The following LARGE1 variants were observed in gnomAD, a reference collection of about 807,000 sequenced individuals.
LARGE1 encodes xylosyl- and glucuronyltransferase LARGE1.
In LARGE1, 43 loss-of-function variants were observed where a neutral mutation model predicts 87.6. That is an observed-to-expected ratio of 0.49 (90% CI 0.38 to 0.63). The LOEUF (loss-of-function observed/expected upper bound fraction) is 0.63. Among genes scored for constraint, LARGE1 ranks in the 30% least tolerant of loss-of-function variants. The pLI is 0.00. For synonymous variants in LARGE1, 434 were observed against 394.6 expected (o/e 1.10, Z -1.18); for missense variants, 802 against 1,000.2 (o/e 0.80, Z 2.67).
At chr22:33,919,790 C>G (rs1239818218) in intron 1 of LARGE1, among the ~76,000 whole-genome samples, 7 of 152,226 alleles carry the variant, frequency 4.6e-5, no homozygotes, top group Admixed American at 2.0e-4. Context: ...GCCGAGCAGG[C>G]CCTGAGGGGG....
chr22:33,753,462 T>G (rs939463206), intron 2 of LARGE1, among the ~76,000 whole-genome samples: 1 of 152,098 alleles, frequency 6.6e-6, no homozygotes, highest in African/African-American at 2.4e-5. Context: ...GAACCAGCCT[T>G]GCCAACACCT....
intron 11 of LARGE1, among the ~76,000 whole-genome samples, chr22:33,247,387 C>T (rs1021312545): frequency 3.3e-5 from 5 of 151,954 alleles, no homozygotes; most frequent in African/African-American, 1.2e-4. Flanking sequence ...AAGACCAAGC[C>T]GTGAATAAAT....
chr22:33,534,011 G>A (rs910963947), intron 6 of LARGE1, among the ~76,000 whole-genome samples: 9 of 150,346 alleles, frequency 6.0e-5, no homozygotes, highest in African/African-American at 2.2e-4. Flanking sequence ...TTCCTCCAAT[G>A]TTTACTGACT....
chr22:33,632,979 C>T (rs2080155963), intron 3 of LARGE1, among the ~76,000 whole-genome samples: 1 of 152,136 alleles, frequency 6.6e-6, no homozygotes, highest in Admixed American at 6.5e-5. Context: ...GCAGGCTGTA[C>T]TTGATGATAC....
intron 1 of LARGE1, among the ~76,000 whole-genome samples, chr22:33,853,178 G>C (rs567828514): frequency 6.6e-6 from 1 of 151,964 alleles, no homozygotes; most frequent in Non-Finnish European, 1.5e-5. Context: ...GAACTTGTCC[G>C]AGACCACACA....
intron 11 of LARGE1, among the ~76,000 whole-genome samples, chr22:33,306,739 T>C (rs1338897991): frequency 1.3e-5 from 2 of 151,728 alleles, no homozygotes; most frequent in African/African-American, 4.8e-5. Flanking sequence ...CCAGGCGTGG[T>C]AGTGAACGCC....
the LARGE1 span, among the ~76,000 whole-genome samples, chr22:33,106,900 T>C: frequency 1.3e-5 from 2 of 152,216 alleles, no homozygotes; most frequent in Non-Finnish European, 2.9e-5. Flanking sequence ...CAGTAAGAAA[T>C]GATTAGAGAG....
intron 11 of LARGE1, among the ~76,000 whole-genome samples, chr22:33,201,543 A>C (rs985298725): frequency 6.6e-6 from 1 of 152,196 alleles, no homozygotes; most frequent in South Asian, 2.1e-4. Flanking sequence ...AATTATTTTC[A>C]CTGAGAAAAG....
Position 33,644,202 on chromosome 22 carries a change from G to A in LARGE1, c.408+6165C>T, listed in dbSNP as rs181647991. Among the ~76,000 whole-genome samples, 1,502 of 152,260 alleles carry A rather than the reference G, an allele frequency of 9.9e-3. 27 individuals carry two copies. Among genetic ancestry groups the A allele is most frequent in the African/African-American group, 0.034 (1,422 of 41,548 alleles). On this transcript the variant is annotated intron_variant, in intron 3 of 14. Transcript: ENST00000397394. Reference sequence around the variant, plus strand: ...ACCGAATCCAGCAGCACATTAAAAAGCTTATCCACCACTATCAAGTTGGAT... The same window carrying A: ...ACCGAATCCAGCAGCACATTAAAAAACTTATCCACCACTATCAAGTTGGAT...
intron 2 of LARGE1, among the ~76,000 whole-genome samples, chr22:33,723,190 CAAG>C (rs1569405288): frequency 6.6e-6 from 1 of 152,172 alleles, no homozygotes; most frequent in Non-Finnish European, 1.5e-5. Flanking sequence ...GAGACAATTA[CAAG>C]AAAGAGAAGT....
chr22:33,811,041 G>A (rs535911228), intron 1 of LARGE1, among the ~76,000 whole-genome samples: 2 of 152,134 alleles, frequency 1.3e-5, no homozygotes, highest in East Asian at 1.9e-4. Context: ...ACCTGCCCCC[G>A]ACTCATATAA....
chr22:33,757,592 T>A (rs981868950), intron 2 of LARGE1, among the ~76,000 whole-genome samples: 1 of 152,114 alleles, frequency 6.6e-6, no homozygotes, highest in Admixed American at 6.5e-5. Context: ...CAAAACCCTA[T>A]GCTGAGAGCA....
At chr22:33,368,875 T>TA (rs985316151) in intron 9 of LARGE1, among the ~76,000 whole-genome samples, 18 of 152,338 alleles carry the variant, frequency 1.2e-4, no homozygotes, top group Admixed American at 7.8e-4. Context: ...ACTTTATTTC[T>TA]AAAAAATGTT....
intron 6 of LARGE1, among the ~76,000 whole-genome samples, chr22:33,521,431 C>T (rs978141268): frequency 6.6e-6 from 1 of 152,200 alleles, no homozygotes; most frequent in African/African-American, 2.4e-5. Flanking sequence ...GGGCTCTCAT[C>T]CTCCAACAGG....
chr22:33,229,340 T>C (rs1204123809), intron 11 of LARGE1, among the ~76,000 whole-genome samples: 1 of 152,074 alleles, frequency 6.6e-6, no homozygotes, highest in African/African-American at 2.4e-5. Context: ...AAAATTAGCA[T>C]CTCACAAACT....
At chr22:33,837,353 T>C (rs147729369) in intron 1 of LARGE1, among the ~76,000 whole-genome samples, 40 of 151,948 alleles carry the variant, frequency 2.6e-4, no homozygotes, top group Middle Eastern at 3.4e-3. Context: ...ATAGTATACA[T>C]ATATGTGTTT....
chr22:33,515,362 T>C (rs992978727), intron 6 of LARGE1, among the ~76,000 whole-genome samples: 20 of 152,266 alleles, frequency 1.3e-4, no homozygotes, highest in African/African-American at 4.8e-4. Context: ...AATCTATCCA[T>C]GACAAACTGT....
At chr22:33,173,002 C>A (rs1341385067) in intron 11 of LARGE1, among the ~76,000 whole-genome samples, 1 of 152,112 alleles carries the variant, frequency 6.6e-6, no homozygotes, top group African/African-American at 2.4e-5. Context: ...TCAGGAAACA[C>A]AGAAAACACC....
chr22:33,070,774 A>C, the LARGE1 span, among the ~76,000 whole-genome samples: 2 of 152,186 alleles, frequency 1.3e-5, no homozygotes, highest in African/African-American at 4.8e-5. Flanking sequence ...TGAGTGTTCC[A>C]GGCACATTTT....
Sources: allele counts gnomAD v4.1 joint callset (sites outside exome capture counted in the v4.1 genomes callset), GRCh38; gene constraint gnomAD v4.1.1; transcripts MANE v1.5; gene names NCBI Gene and HGNC (gene_info 2026-07-23, HGNC 2026-07-21).